The following PCDH7 variants were observed in gnomAD, a reference collection of about 807,000 sequenced individuals.
PCDH7 encodes protocadherin 7.
Under a neutral mutation model 58.9 loss-of-function variants are expected in PCDH7, and 17 were observed. The observed-to-expected ratio is 0.29, with a 90% CI of 0.20 to 0.43. PCDH7 has a LOEUF of 0.43. PCDH7 is among the 20% of genes least tolerant of loss of function. The pLI, the probability that PCDH7 is intolerant of heterozygous loss-of-function variation, is 1.00. For synonymous variants in PCDH7, 664 were observed against 616.4 expected (o/e 1.08, Z -1.14); for missense variants, 1,274 against 1,441.0 (o/e 0.88, Z 1.88).
chr4:30,980,221 A>T (rs1750431544), intron 3 of PCDH7, among the ~76,000 whole-genome samples: 1 of 152,192 alleles, frequency 6.6e-6, no homozygotes, highest in Admixed American at 6.5e-5. Flanking sequence ...ATTCAACAGG[A>T]CTACAGTGGA....
rs140317303 is a variant in PCDH7, at chr4:30,744,080, C to T, written c.70+19484C>T. On this transcript the variant is annotated intron_variant, in intron 1 of 3. Coordinates refer to the PCDH7 transcript ENST00000509759. ...GTCTGAGGTGTTGCTCTTTTCTTTC[C>T]TCAGTGGCATCCTGTAAGCTTTTGC... Among the ~76,000 whole-genome samples the T allele has an allele frequency of 1.4e-3, 209 of 152,214 alleles. 1 individual carries two copies. The highest frequency in any genetic ancestry group is 7.9e-3 in the East Asian group (41 of 5,166).
At chr4:31,078,008 G>C (rs1488608741) in intron 3 of PCDH7, among the ~76,000 whole-genome samples, 2 of 152,104 alleles carry the variant, frequency 1.3e-5, no homozygotes, top group Non-Finnish European at 2.9e-5. Flanking sequence ...GATTCGATGT[G>C]AGCCATGTGG....
chr4:30,940,858 T>C (rs1368080690), intron 2 of PCDH7, among the ~76,000 whole-genome samples: 1 of 152,044 alleles, frequency 6.6e-6, no homozygotes. Context: ...CCTGCAGTTT[T>C]ATCTTCTGTC....
At chr4:30,728,323 CAT>C (rs1714944798) in intron 1 of PCDH7, among the ~76,000 whole-genome samples, 1 of 141,174 alleles carries the variant, frequency 7.1e-6, no homozygotes, top group Non-Finnish European at 1.6e-5. Context: ...AGAGAGAGAG[CAT>C]ATATATATAT....
In PCDH7 at chr4:30,723,797, T is replaced by C; in HGVS notation, c.2375T>C (p.Phe792Ser). The change falls in exon 1 of 2, where the codon TTT becomes TCT. Residue 792 changes from phenylalanine (F) to serine (S), a missense_variant. Physicochemically the swap from Phe to Ser is radical, Grantham distance 155. Coordinates refer to ENST00000361762, the Ensembl canonical transcript of PCDH7. The surrounding 1 kb of genome is among the most constrained non-coding windows in gnomAD (Gnocchi z 4.6). ...GTGGGAGGAAATCCCTTCAAGCTGT[T>C]TGAAATTGATCCCACTAGTGGTGTG... 6.2e-7 allele frequency: 1 copy of C among 1,614,146 alleles called. No individual in the cohort carries two copies. The highest frequency in any genetic ancestry group is 8.5e-7 in the Non-Finnish European group (1 of 1,180,030).
intron 3 of PCDH7, among the ~76,000 whole-genome samples, chr4:31,045,556 T>C (rs769721419): frequency 3.9e-5 from 6 of 152,052 alleles, no homozygotes; most frequent in South Asian, 2.1e-4. Context: ...TGGTAGCATA[T>C]TTAAAATCTT....
chr4:30,772,966 A>G (rs1324684701), intron 1 of PCDH7, among the ~76,000 whole-genome samples: 2 of 152,178 alleles, frequency 1.3e-5, no homozygotes, highest in African/African-American at 4.8e-5. Flanking sequence ...CAGTAGCACA[A>G]TCTCGGCTCA....
intron 3 of PCDH7, among the ~76,000 whole-genome samples, chr4:31,065,985 A>G (rs1560616315): frequency 6.6e-6 from 1 of 151,926 alleles, no homozygotes; most frequent in Non-Finnish European, 1.5e-5. Context: ...GACCTAGTCA[A>G]TAGTGCCACA....
At chr4:31,025,949 T>C (rs1178474178) in intron 3 of PCDH7, among the ~76,000 whole-genome samples, 1 of 152,198 alleles carries the variant, frequency 6.6e-6, no homozygotes, top group East Asian at 1.9e-4. Flanking sequence ...CATATAAGAC[T>C]CAAACGTTTT....
intron 1 of PCDH7, among the ~76,000 whole-genome samples, chr4:30,879,583 T>C (rs1736704966): frequency 6.6e-6 from 1 of 152,182 alleles, no homozygotes; most frequent in African/African-American, 2.4e-5. Flanking sequence ...GAGATATGTT[T>C]CTTGCATCTA....
chr4:30,980,291 A>T (rs754034188), intron 3 of PCDH7, among the ~76,000 whole-genome samples: 1 of 152,228 alleles, frequency 6.6e-6, no homozygotes, highest in Non-Finnish European at 1.5e-5. Context: ...AAGTCACAAT[A>T]ATCTGAAACA....
intron 3 of PCDH7, among the ~76,000 whole-genome samples, chr4:31,072,957 G>C (rs1758678180): frequency 6.6e-6 from 1 of 152,116 alleles, no homozygotes. Context: ...TCAAGTTGGA[G>C]CTTTCACAGA....
At chr4:30,985,838 AG>A (rs773918528) in intron 3 of PCDH7, among the ~76,000 whole-genome samples, 3 of 152,214 alleles carry the variant, frequency 2.0e-5, no homozygotes, top group Non-Finnish European at 2.9e-5. Context: ...GGCAAAAAGA[AG>A]GGTTTGAGCT....
chr4:30,832,323 C>G (rs1364055741), intron 1 of PCDH7, among the ~76,000 whole-genome samples: 1 of 152,156 alleles, frequency 6.6e-6, no homozygotes, highest in Non-Finnish European at 1.5e-5. Context: ...CTTTATGTCT[C>G]TTTTTCTTTC....
chr4:30,936,348 T>A (rs921024546), intron 2 of PCDH7, among the ~76,000 whole-genome samples: 14 of 152,034 alleles, frequency 9.2e-5, no homozygotes, highest in Non-Finnish European at 1.6e-4. Context: ...TATTATTTAT[T>A]ATTTGCCACT....
At chr4:30,758,946 T>TTG (rs1719673532) in intron 1 of PCDH7, among the ~76,000 whole-genome samples, 1 of 148,992 alleles carries the variant, frequency 6.7e-6, no homozygotes, top group Non-Finnish European at 1.5e-5. Context: ...AAGTGTTTTT[T>TTG]TTTTTTTTTT....
intron 1 of PCDH7, among the ~76,000 whole-genome samples, chr4:30,887,969 G>C (rs781153720): frequency 6.6e-6 from 1 of 151,350 alleles, no homozygotes; most frequent in African/African-American, 2.4e-5. Context: ...TCTGCCTCCC[G>C]GGTGCAAGCA....
intron 1 of PCDH7, among the ~76,000 whole-genome samples, chr4:30,768,761 A>G (rs1384516745): frequency 1.3e-5 from 2 of 152,180 alleles, no homozygotes; most frequent in Non-Finnish European, 2.9e-5. Flanking sequence ...TTTCCTACGT[A>G]TCTTTAAAAT....
chr4:31,091,841 G>C (rs891966388), intron 3 of PCDH7, among the ~76,000 whole-genome samples: 1 of 152,108 alleles, frequency 6.6e-6, no homozygotes, highest in South Asian at 2.1e-4. Flanking sequence ...GAGTGAGATT[G>C]TGGATTTATA....
Sources: gnomAD v4.1 joint callset for allele counts (sites outside exome capture counted in the v4.1 genomes callset) on GRCh38, gnomAD v4.1.1 for gene constraint, Gnocchi (gnomAD v3.1) non-coding constraint, MANE v1.5 for transcripts, NCBI Gene and HGNC (gene_info 2026-07-23, HGNC 2026-07-21) for gene names.